NXPE2: variants seen among roughly 807,000 people sequenced by gnomAD.
NXPE2 encodes NXPE family member 2.
A neutral mutation model predicts 34.4 loss-of-function variants in NXPE2; 34 were observed. The observed-to-expected ratio is 0.99, with a 90% CI of 0.75 to 1.31. The LOEUF (loss-of-function observed/expected upper bound fraction) is 1.31. Ranked by LOEUF, NXPE2 falls within the 40% of genes most tolerant of loss-of-function variation. The pLI is 0.00. For synonymous variants in NXPE2, 235 were observed against 231.3 expected (o/e 1.02, Z -0.15); for missense variants, 649 against 672.5 (o/e 0.97, Z 0.39).
chr11:114,597,509 A>T, the NXPE2 span, among the ~76,000 whole-genome samples: 1 of 152,192 alleles, frequency 6.6e-6, no homozygotes, highest in Non-Finnish European at 1.5e-5. Flanking sequence ...TTGATGGATA[A>T]ATATGCATTT....
chr11:114,651,816 A>C, the NXPE2 span, among the ~76,000 whole-genome samples: 9 of 152,170 alleles, frequency 5.9e-5, no homozygotes, highest in Non-Finnish European at 1.3e-4. Context: ...TGATTGGTGC[A>C]TTTACAATCC....
At chr11:114,755,823 A>G in the NXPE2 span, among the ~76,000 whole-genome samples, 2 of 151,760 alleles carry the variant, frequency 1.3e-5, no homozygotes, top group African/African-American at 4.8e-5. Flanking sequence ...CTGACTATGG[A>G]TTAGATTTCT....
chr11:114,713,984 C>T, the NXPE2 span, among the ~76,000 whole-genome samples: 1 of 152,232 alleles, frequency 6.6e-6, no homozygotes, highest in Non-Finnish European at 1.5e-5. Flanking sequence ...GGAATGTATT[C>T]TTGCTCCGCA....
the NXPE2 span, among the ~76,000 whole-genome samples, chr11:114,535,463 C>T: frequency 6.6e-6 from 1 of 152,276 alleles, no homozygotes; most frequent in East Asian, 1.9e-4. Flanking sequence ...CGCTAAATTG[C>T]TCCAATTAAA....
At chr11:114,730,604 G>T in the NXPE2 span, among the ~76,000 whole-genome samples, 1 of 152,012 alleles carries the variant, frequency 6.6e-6, no homozygotes, top group African/African-American at 2.4e-5. Flanking sequence ...TCTTGTAGAG[G>T]TCTTTCACTT....
the NXPE2 span, among the ~76,000 whole-genome samples, chr11:114,789,160 G>A: frequency 6.6e-6 from 1 of 152,176 alleles, no homozygotes; most frequent in Admixed American, 6.5e-5. Context: ...CTTGAAGATT[G>A]CTAAGAGAGT....
At chr11:114,580,927 G>A in the NXPE2 span, among the ~76,000 whole-genome samples, 1 of 152,130 alleles carries the variant, frequency 6.6e-6, no homozygotes. Flanking sequence ...GGTTGAGGTA[G>A]CCACAATGGT....
At chr11:114,773,297 T>G in the NXPE2 span, among the ~76,000 whole-genome samples, 1 of 26,740 alleles carries the variant, frequency 3.7e-5, no homozygotes, top group Non-Finnish European at 7.5e-5. Context: ...CCCACCCCAT[T>G]CTGGGCACTC....
At chr11:114,648,922 T>A in the NXPE2 span, among the ~76,000 whole-genome samples, 1 of 147,082 alleles carries the variant, frequency 6.8e-6, no homozygotes, top group Non-Finnish European at 1.5e-5. Context: ...ACATCTTATG[T>A]TATATGATAA....
the NXPE2 span, among the ~76,000 whole-genome samples, chr11:114,633,309 ATATAAT>A: frequency 1.0e-4 from 14 of 140,032 alleles, no homozygotes; most frequent in Non-Finnish European, 1.8e-4. Context: ...GTAATAAAAT[ATATAAT>A]TATATTATGT....
the NXPE2 span, among the ~76,000 whole-genome samples, chr11:114,601,585 T>TATATATTATAATTATGTATA: frequency 1.5e-3 from 11 of 7,098 alleles, no homozygotes; most frequent in African/African-American, 5.1e-3. Context: ...AATTATATAT[T>TATATATTATAATTATGTATA]ATATATATTA....
the NXPE2 span, chr11:114,551,025 G>A: frequency 4.1e-6 from 3 of 732,466 alleles, no homozygotes; most frequent in Middle Eastern, 2.3e-4. Flanking sequence ...CAGGACTAAT[G>A]GAGTGGGACT....
chr11:114,697,409 G>A (rs191055505), intron 2 of NXPE2, among the ~76,000 whole-genome samples: 3 of 152,318 alleles, frequency 2.0e-5, no homozygotes, highest in Non-Finnish European at 2.9e-5. Context: ...TTCGCAAAGC[G>A]TCTATAAGGA....
chr11:114,545,460 A>T, the NXPE2 span, among the ~76,000 whole-genome samples: 2 of 152,236 alleles, frequency 1.3e-5, no homozygotes, highest in Admixed American at 1.3e-4. Flanking sequence ...AAAGAAGCCC[A>T]TCTGAAAAGG....
chr11:114,610,363 A>C, the NXPE2 span, among the ~76,000 whole-genome samples: 6 of 150,286 alleles, frequency 4.0e-5, no homozygotes, highest in Non-Finnish European at 8.9e-5. Context: ...ACTGTTACCC[A>C]GTTGATAATA....
chr11:114,736,712 G>T, the NXPE2 span, among the ~76,000 whole-genome samples: 16 of 152,302 alleles, frequency 1.1e-4, no homozygotes, highest in African/African-American at 3.6e-4. Flanking sequence ...AATCACAAGG[G>T]TATTGATTGG....
chr11:114,594,857 G>T, the NXPE2 span: 1 of 706,826 alleles, frequency 1.4e-6, no homozygotes, highest in Non-Finnish European at 2.4e-6. Flanking sequence ...AATTTTTTTG[G>T]CTCATGATTA....
chr11:114,717,953 T>A, the NXPE2 span, among the ~76,000 whole-genome samples: 1 of 152,240 alleles, frequency 6.6e-6, no homozygotes, highest in Non-Finnish European at 1.5e-5. Context: ...TAGCATGTCC[T>A]GAGCATGTCT....
At chr11:114,725,364 T>G in the NXPE2 span, among the ~76,000 whole-genome samples, 2 of 152,122 alleles carry the variant, frequency 1.3e-5, no homozygotes, top group South Asian at 4.1e-4. Context: ...TTGACCTAGT[T>G]AAAGCTTCCT....
Sources: gnomAD v4.1 joint callset for allele counts (sites outside exome capture counted in the v4.1 genomes callset) on GRCh38, gnomAD v4.1.1 for gene constraint, MANE v1.5 for transcripts, NCBI Gene and HGNC (gene_info 2026-07-23, HGNC 2026-07-21) for gene names.